MED13L: variants seen among roughly 807,000 people sequenced by gnomAD.
MED13L encodes mediator of RNA polymerase II transcription subunit 13-like.
In MED13L, 7 loss-of-function variants were observed where a neutral mutation model predicts 220.9. The observed-to-expected ratio is 0.03, with a 90% CI of 0.02 to 0.06. The LOEUF (loss-of-function observed/expected upper bound fraction) is 0.06, where lower values mean the gene tolerates loss of function less well. MED13L is among the 10% of genes least tolerant of loss of function. MED13L has a pLI of 1.00. For missense variants in MED13L, 1,965 were observed against 2,760.5 expected, an observed-to-expected ratio of 0.71 and a Z score of 6.46; for synonymous variants, 1,011 against 1,015.2, an observed-to-expected ratio of 1.00 and a Z score of 0.08.
intron 2 of MED13L, among the ~76,000 whole-genome samples, chr12:116,133,490 G>C (rs562622679): frequency 1.3e-5 from 2 of 152,026 alleles, no homozygotes; most frequent in Non-Finnish European, 2.9e-5. Context: ...TGGTCTTAAC[G>C]GGCTCTAGGA....
chr12:116,141,091 A>T (rs1877028654), intron 2 of MED13L, among the ~76,000 whole-genome samples: 1 of 152,232 alleles, frequency 6.6e-6, no homozygotes, highest in African/African-American at 2.4e-5. Context: ...ACTGAATTCA[A>T]CACAGAGATC....
intron 4 of MED13L, among the ~76,000 whole-genome samples, chr12:116,047,615 A>C (rs145559224): frequency 6.6e-6 from 1 of 152,322 alleles, no homozygotes; most frequent in African/African-American, 2.4e-5. Flanking sequence ...GGAAATAAAA[A>C]TAGAGGCTGA....
rs959567019 is a variant in MED13L, at chr12:115,983,053, G to A, written c.4955+64C>T. The A allele has an allele frequency of 2.2e-5, 33 of 1,533,422 alleles. No homozygotes were observed. In the African/African-American group the frequency reaches 3.0e-4, roughly 14 times the overall value. 95.0% of individuals were successfully genotyped at this position (1,533,422 alleles called of 1,614,324 possible). A position where few individuals can be genotyped will look rare whatever the true frequency, so the allele number is the denominator to read the frequency against. On this transcript the variant is annotated intron_variant, in intron 21 of 30. Coordinates refer to ENST00000281928, the MANE Select transcript of MED13L (RefSeq NM_015335.5). ...ATCATGAGGTCAAGGGAGAAAAGGT[G>A]CAGAAGAAGAAGAGAGAAAGGGTCT...
At chr12:116,263,308 T>C (rs1872628925) in intron 1 of MED13L, among the ~76,000 whole-genome samples, 1 of 152,098 alleles carries the variant, frequency 6.6e-6, no homozygotes, top group Non-Finnish European at 1.5e-5. Flanking sequence ...AACTATGTAA[T>C]CTGAAGACCA....
At chr12:116,078,120 CG>C (rs1870948765) in intron 4 of MED13L, among the ~76,000 whole-genome samples, 1 of 130,998 alleles carries the variant, frequency 7.6e-6, no homozygotes, top group African/African-American at 2.9e-5. Context: ...CCAGCCTGGG[CG>C]ACAGAGTAAG....
chr12:116,021,788 TACTC>T (rs1233961991), intron 5 of MED13L, among the ~76,000 whole-genome samples: 1 of 152,182 alleles, frequency 6.6e-6, no homozygotes, highest in African/African-American at 2.4e-5. Context: ...TAAAAGCTGT[TACTC>T]ACAGAAAATT....
At chr12:116,230,935 A>G (rs991818010) in intron 2 of MED13L, among the ~76,000 whole-genome samples, 3 of 152,226 alleles carry the variant, frequency 2.0e-5, no homozygotes, top group Non-Finnish European at 4.4e-5. Flanking sequence ...GGAAAATTCA[A>G]TGTCAACACT....
intron 4 of MED13L, among the ~76,000 whole-genome samples, chr12:116,088,181 T>C (rs1871879036): frequency 6.6e-6 from 1 of 152,102 alleles, no homozygotes; most frequent in Admixed American, 6.5e-5. Context: ...TTAAACAGTT[T>C]GTAGCATAGG....
At chr12:116,141,539 T>C (rs1309177425) in intron 2 of MED13L, among the ~76,000 whole-genome samples, 1 of 152,202 alleles carries the variant, frequency 6.6e-6, no homozygotes, top group Non-Finnish European at 1.5e-5. Flanking sequence ...CAGTTTTCTA[T>C]AAATGTATTG....
At chr12:116,211,189 C>A (rs1021831403) in intron 2 of MED13L, among the ~76,000 whole-genome samples, 6 of 152,286 alleles carry the variant, frequency 3.9e-5, no homozygotes, top group African/African-American at 1.4e-4. Context: ...GCCTTTCGGA[C>A]CTTTCCAACC....
At chr12:115,981,682 A>AT (rs1381597895) in intron 22 of MED13L, among the ~76,000 whole-genome samples, 1 of 152,250 alleles carries the variant, frequency 6.6e-6, no homozygotes, top group East Asian at 1.9e-4. Context: ...GGCTTTATTT[A>AT]TAACAGTAAA....
At chr12:116,074,927 G>C (rs1870662080) in intron 4 of MED13L, among the ~76,000 whole-genome samples, 1 of 152,260 alleles carries the variant, frequency 6.6e-6, no homozygotes, top group Non-Finnish European at 1.5e-5. Context: ...TAAATACCCT[G>C]CTTAGAGCTT....
intron 14 of MED13L, among the ~76,000 whole-genome samples, chr12:115,998,806 A>T (rs1410111595): frequency 6.6e-6 from 1 of 152,166 alleles, no homozygotes; most frequent in Non-Finnish European, 1.5e-5. Flanking sequence ...ATTCATTTCC[A>T]TTAGCGATGC....
chr12:116,042,653 T>C (rs763257310), intron 4 of MED13L, among the ~76,000 whole-genome samples: 1 of 152,190 alleles, frequency 6.6e-6, no homozygotes, highest in Non-Finnish European at 1.5e-5. Flanking sequence ...AGGAGTACTA[T>C]TTGAAAGCAG....
chr12:116,081,218 T>C (rs1208553456), intron 4 of MED13L, among the ~76,000 whole-genome samples: 1 of 152,238 alleles, frequency 6.6e-6, no homozygotes, highest in East Asian at 1.9e-4. Context: ...AAGTCCTAAC[T>C]AGTCTAATGC....
intron 1 of MED13L, 94 bp downstream of exon 1, chr12:116,276,966 C>A: frequency 1.5e-6 from 2 of 1,372,278 alleles, no homozygotes; most frequent in Non-Finnish European, 2.0e-6. Flanking sequence ...GGGGCGAAGT[C>A]CCGGCGGCGG....
At chr12:116,217,250 C>T (rs1286227914) in intron 2 of MED13L, among the ~76,000 whole-genome samples, 2 of 152,194 alleles carry the variant, frequency 1.3e-5, no homozygotes, top group Non-Finnish European at 2.9e-5. Flanking sequence ...GGGAATGAAA[C>T]AGGAGCCCAA....
At chr12:116,187,439 C>A (rs1306233968) in intron 2 of MED13L, among the ~76,000 whole-genome samples, 1 of 152,180 alleles carries the variant, frequency 6.6e-6, no homozygotes, top group Admixed American at 6.5e-5. Flanking sequence ...CTATCATTGT[C>A]ATTTCTTCCA....
At chr12:116,078,348 A>G (rs1379939309) in intron 4 of MED13L, among the ~76,000 whole-genome samples, 6 of 152,196 alleles carry the variant, frequency 3.9e-5, no homozygotes, top group African/African-American at 1.4e-4. Context: ...ATTTCTACAT[A>G]TAATTTCTAC....
Sources: gnomAD v4.1 joint callset for allele counts (sites outside exome capture counted in the v4.1 genomes callset) on GRCh38, gnomAD v4.1.1 for gene constraint, MANE v1.5 for transcripts, NCBI Gene and HGNC (gene_info 2026-07-23, HGNC 2026-07-21) for gene names.